Variants in YAP1 observed in about 807,000 individuals in gnomAD.
YAP1 encodes the protein Yes1 associated transcriptional regulator.
YAP1 carries 5 observed loss-of-function variants against 56.9 expected under a neutral mutation model. The observed-to-expected ratio is 0.09, with a 90% CI of 0.05 to 0.18. The LOEUF (loss-of-function observed/expected upper bound fraction) is 0.18, where lower values mean the gene tolerates loss of function less well. YAP1 is among the 10% of genes least tolerant of loss of function. The pLI, the probability that YAP1 is intolerant of heterozygous loss-of-function variation, is 1.00. For synonymous variants in YAP1, 265 were observed against 248.1 expected, an observed-to-expected ratio of 1.07 and a Z score of -0.64; for missense variants, 539 against 651.8, an observed-to-expected ratio of 0.83 and a Z score of 1.88.
intron 6 of YAP1, among the ~76,000 whole-genome samples, chr11:102,210,343 C>T (rs945935130): frequency 6.6e-6 from 1 of 152,182 alleles, no homozygotes; most frequent in African/African-American, 2.4e-5. Flanking sequence ...TTCTATGTAA[C>T]TTACTCTGCA....
intron 6 of YAP1, among the ~76,000 whole-genome samples, chr11:102,218,137 A>G (rs1000145477): frequency 6.6e-6 from 1 of 152,230 alleles, no homozygotes. Flanking sequence ...TGGAATATCT[A>G]ATCACCTGTA....
At chr11:102,215,527 T>A (rs1483277799) in intron 6 of YAP1, among the ~76,000 whole-genome samples, 1 of 152,172 alleles carries the variant, frequency 6.6e-6, no homozygotes, top group African/African-American at 2.4e-5. Context: ...CAGGCTGGAG[T>A]GCAATGGCAC....
At chr11:102,120,231 C>T (rs539537758) in intron 2 of YAP1, among the ~76,000 whole-genome samples, 2 of 152,312 alleles carry the variant, frequency 1.3e-5, no homozygotes, top group East Asian at 3.9e-4. Flanking sequence ...TTACGTAGGG[C>T]TTGACCCCTT....
chr11:102,122,936 C>T (rs1943769324), intron 2 of YAP1, among the ~76,000 whole-genome samples: 1 of 130,866 alleles, frequency 7.6e-6, no homozygotes, highest in South Asian at 2.4e-4. Context: ...AGAGCAATGA[C>T]CCTCTTTTCT....
chr11:102,209,595 A>G (rs569779250), intron 6 of YAP1, 31 bp downstream of exon 6: 221 of 112,912 alleles, frequency 2.0e-3, no homozygotes, highest in Middle Eastern at 5.5e-3. Flanking sequence ...TTAGCACTGG[A>G]AAAAAAAAAA....
At chr11:102,229,578 AG>A in intron 8 of YAP1, 123 bp from the exon 9 acceptor site, 1 of 771,106 alleles carries the variant, frequency 1.3e-6, no homozygotes, top group African/African-American at 1.7e-5. Context: ...TATAAATTCT[AG>A]GTATCAGTTT....
chr11:102,227,030 G>A (rs1950228611), intron 7 of YAP1: 1 of 161,154 alleles, frequency 6.2e-6, no homozygotes, highest in African/African-American at 2.4e-5. Flanking sequence ...CCTGGAGTTT[G>A]TGTTGTGACG....
intron 2 of YAP1, among the ~76,000 whole-genome samples, chr11:102,147,643 C>T (rs914612716): frequency 1.3e-5 from 2 of 152,142 alleles, no homozygotes; most frequent in African/African-American, 4.8e-5. Flanking sequence ...ATCTCCACCC[C>T]TGAGGATGGC....
chr11:102,147,114 A>G (rs927333426), intron 2 of YAP1, among the ~76,000 whole-genome samples: 3 of 152,180 alleles, frequency 2.0e-5, no homozygotes, highest in African/African-American at 7.2e-5. Flanking sequence ...AAATCGTAGA[A>G]CTAATAAGTG....
Position 102,232,748 on chromosome 11 carries a change from C to T in YAP1, c.*2808C>T, listed in dbSNP as rs566756459. On this transcript the variant is annotated 3_prime_UTR_variant, in exon 9 of 9. Coordinates refer to ENST00000282441, the MANE Select transcript of YAP1 (RefSeq NM_001130145.3). ...ATTTTATAATCTTTAAATTTATCAA[C>T]TTTTTACATTTGTGTTATTTTCAGT... 2.0e-4 allele frequency: 31 copies of T among 152,668 alleles called. No homozygotes were observed. The highest frequency in any genetic ancestry group is 6.5e-4 in the African/African-American group (27 of 41,540). 9.5% of individuals were successfully genotyped at this position (152,668 alleles called of 1,614,324 possible). A position where few individuals can be genotyped will look rare whatever the true frequency, so the allele number is the denominator to read the frequency against.
chr11:102,183,673 G>A (rs1947763704), intron 3 of YAP1, among the ~76,000 whole-genome samples: 3 of 150,224 alleles, frequency 2.0e-5, no homozygotes, highest in African/African-American at 7.5e-5. Context: ...CTCTCATTCA[G>A]ACAGCTAAGG....
At chr11:102,123,443 T>C (rs1943811814) in intron 2 of YAP1, among the ~76,000 whole-genome samples, 1 of 152,052 alleles carries the variant, frequency 6.6e-6, no homozygotes, top group African/African-American at 2.4e-5. Context: ...TCTTTCTTTA[T>C]TTGCTCACTC....
intron 2 of YAP1, among the ~76,000 whole-genome samples, chr11:102,117,197 C>G (rs1172809237): frequency 6.6e-6 from 1 of 151,964 alleles, no homozygotes; most frequent in African/African-American, 2.4e-5. Flanking sequence ...CATTTTTATC[C>G]TAGTTTTGAT....
intron 7 of YAP1, chr11:102,227,202 C>T (rs1439345235): frequency 1.1e-5 from 4 of 364,708 alleles, no homozygotes; most frequent in Non-Finnish European, 1.0e-5. Context: ...TTTTTTTGTC[C>T]CTTATTGTCA....
chr11:102,152,341 T>A (rs980893648), intron 2 of YAP1, among the ~76,000 whole-genome samples: 2 of 152,212 alleles, frequency 1.3e-5, no homozygotes, highest in Non-Finnish European at 2.9e-5. Flanking sequence ...TCATAGATGC[T>A]CTTCTACCAG....
intron 1 of YAP1, among the ~76,000 whole-genome samples, chr11:102,112,219 C>G (rs1942981485): frequency 6.6e-6 from 1 of 152,190 alleles, no homozygotes; most frequent in South Asian, 2.1e-4. Context: ...GAAGCGATGA[C>G]TAATTCTAGG....
chr11:102,217,114 T>A (rs902552034), intron 6 of YAP1, among the ~76,000 whole-genome samples: 1 of 152,182 alleles, frequency 6.6e-6, no homozygotes, highest in Non-Finnish European at 1.5e-5. Context: ...TTAGTGGACT[T>A]TTATGGAACC....
intron 2 of YAP1, among the ~76,000 whole-genome samples, chr11:102,129,372 G>T (rs2135218871): frequency 6.6e-6 from 1 of 152,190 alleles, no homozygotes; most frequent in East Asian, 1.9e-4. Flanking sequence ...TGTAATCCCA[G>T]CACTTTGGGA....
chr11:102,227,427 TA>T lies in YAP1; in HGVS notation c.1164-38del, dbSNP rs767493760. On this transcript the variant is annotated intron_variant, in intron 7 of 8. Coordinates refer to ENST00000282441, the MANE Select transcript of YAP1 (RefSeq NM_001130145.3). ...TTTATTTTTACCTTGAATTGATTTTTAAAATTTTTTGTGTTGGTCTTTAACT... is the reference window on the plus strand; with the variant it reads ...TTTATTTTTACCTTGAATTGATTTTTAAATTTTTTGTGTTGGTCTTTAACT... The T allele has an allele frequency of 2.6e-5, 37 of 1,432,118 alleles. No individual in the cohort carries two copies. The Middle Eastern group carries it at 5.3e-4, about 21-fold the overall frequency. 88.7% of individuals were successfully genotyped at this position (1,432,118 alleles called of 1,614,324 possible). A position where few individuals can be genotyped will look rare whatever the true frequency, so the allele number is the denominator to read the frequency against.
Sources: allele counts gnomAD v4.1 joint callset (sites outside exome capture counted in the v4.1 genomes callset), GRCh38; gene constraint gnomAD v4.1.1; transcripts MANE v1.5; gene names NCBI Gene and HGNC (gene_info 2026-07-23, HGNC 2026-07-21).